KLHL4: variants seen among roughly 807,000 people sequenced by gnomAD.
KLHL4 encodes kelch like family member 4, also known as kelch-like protein 4.
Under a neutral mutation model 45.8 loss-of-function variants are expected in KLHL4, and 17 were observed. The observed-to-expected ratio is 0.37, with a 90% CI of 0.25 to 0.56. The LOEUF is 0.56. Ranked by LOEUF, KLHL4 falls within the 20% of genes least tolerant of loss-of-function variation. The pLI, the probability that KLHL4 is intolerant of heterozygous loss-of-function variation, is 0.79. For missense variants in KLHL4, 544 were observed against 544.9 expected, an observed-to-expected ratio of 1.00 and a Z score of 0.02; for synonymous variants, 224 against 189.9, an observed-to-expected ratio of 1.18 and a Z score of -1.47.
intron 1 of KLHL4, among the ~76,000 whole-genome samples, chrX:87,569,467 G>A (rs1332352629): frequency 9.0e-6 from 1 of 110,847 alleles, no homozygotes; most frequent in East Asian, 2.8e-4. Context: ...TTCACTCCTA[G>A]GTATATACTC....
At chrX:87,651,682 G>A (rs1167760519) in intron 9 of KLHL4, among the ~76,000 whole-genome samples, 3 of 112,455 alleles carry the variant, frequency 2.7e-5, no homozygotes, top group Non-Finnish European at 5.6e-5. Context: ...GGTTCCCATG[G>A]TCTTGGGCAG....
chrX:87,576,082 C>G (rs1921092940), intron 1 of KLHL4, among the ~76,000 whole-genome samples: 1 of 110,884 alleles, frequency 9.0e-6, no homozygotes, highest in African/African-American at 3.3e-5. Flanking sequence ...GGAGTCTGCC[C>G]CTCCAGTGAG....
At chrX:87,582,769 G>A (rs748565383) in intron 1 of KLHL4, among the ~76,000 whole-genome samples, 86 of 111,747 alleles carry the variant, frequency 7.7e-4, no homozygotes, top group African/African-American at 1.3e-3. Context: ...GCAGGCCTTC[G>A]TGGTGAGTGT....
At chrX:87,608,046 A>G in intron 1 of KLHL4, among the ~76,000 whole-genome samples, 1 of 111,749 alleles carries the variant, frequency 8.9e-6, no homozygotes, top group Non-Finnish European at 1.9e-5. Flanking sequence ...TATCTCAGTA[A>G]CCATCTTTAC....
At chrX:87,530,871 G>T (rs1373914120) in intron 1 of KLHL4, among the ~76,000 whole-genome samples, 3 of 109,603 alleles carry the variant, frequency 2.7e-5, no homozygotes, top group African/African-American at 6.7e-5. Context: ...GGTTGAACTA[G>T]TTTACAGTCC....
intron 1 of KLHL4, among the ~76,000 whole-genome samples, 187 bp downstream of exon 1, chrX:87,518,502 A>G (rs1418518848): frequency 6.2e-5 from 7 of 112,064 alleles, no homozygotes; most frequent in Non-Finnish European, 1.3e-4. Flanking sequence ...ATACGTCTTT[A>G]TAATTACCGG....
intron 9 of KLHL4, among the ~76,000 whole-genome samples, chrX:87,648,560 G>A (rs747883007): frequency 5.2e-4 from 58 of 110,663 alleles, no homozygotes; most frequent in Non-Finnish European, 8.7e-4. Context: ...GAGAAGAGCT[G>A]GAATATCATG....
At chrX:87,624,016 A>T (rs1922843904) in intron 5 of KLHL4, among the ~76,000 whole-genome samples, 1 of 112,553 alleles carries the variant, frequency 8.9e-6, no homozygotes, top group South Asian at 3.6e-4. Context: ...AGGCTGAAGA[A>T]TCTGTGTATT....
intron 9 of KLHL4, among the ~76,000 whole-genome samples, chrX:87,658,156 C>T (rs1456550883): frequency 8.9e-6 from 1 of 111,926 alleles, no homozygotes; most frequent in Non-Finnish European, 1.9e-5. Flanking sequence ...ACTTTCCTGG[C>T]TGGGACAATA....
intron 1 of KLHL4, among the ~76,000 whole-genome samples, chrX:87,595,444 C>T (rs1361279577): frequency 8.9e-6 from 1 of 111,787 alleles, no homozygotes; most frequent in Non-Finnish European, 1.9e-5. Context: ...ATCCTGTGTT[C>T]TTTATTGAAA....
In KLHL4 at chrX:87,669,503, G is replaced by C; in HGVS notation, c.*2969G>C. 4 of 947,374 alleles carry C rather than the reference G, an allele frequency of 4.2e-6. No homozygotes were observed. The highest frequency in any genetic ancestry group is 5.6e-6 in the Non-Finnish European group (4 of 716,041). 78.1% of individuals were successfully genotyped at this position (947,374 alleles called of 1,213,427 possible). A position where few individuals can be genotyped will look rare whatever the true frequency, so the allele number is the denominator to read the frequency against. ...CACTGAAAGACAGTTTCCTTCTGGA[G>C]TTCCAAATGCAATATAGAAAAAAAA... On this transcript the variant is annotated 3_prime_UTR_variant, in exon 11 of 11. Transcript: ENST00000373119.
In KLHL4 at chrX:87,669,274, G is replaced by A; in HGVS notation, c.*2740G>A. The A allele has an allele frequency of 1.7e-6, 2 of 1,196,951 alleles. No individual in the cohort carries two copies. The highest frequency in any genetic ancestry group is 1.7e-5 in the African/African-American group (1 of 57,224). ...ACGATTCCCTACTCTGCAACTCTCA[G>A]CATGCATCATGATGATTCTCTAACA... is the stretch of plus-strand genomic sequence containing the variant. On this transcript the variant is annotated 3_prime_UTR_variant, in exon 11 of 11. Transcript: ENST00000373119.
chrX:87,524,318 A>G (rs890710062), intron 1 of KLHL4, among the ~76,000 whole-genome samples: 1 of 112,334 alleles, frequency 8.9e-6, no homozygotes, highest in Non-Finnish European at 1.9e-5. Flanking sequence ...TTAGTTTATC[A>G]AATCTTTTTA....
chrX:87,657,301 C>A (rs1048147160), intron 9 of KLHL4, among the ~76,000 whole-genome samples: 1 of 112,238 alleles, frequency 8.9e-6, no homozygotes, highest in African/African-American at 3.2e-5. Flanking sequence ...GCTTTATCCT[C>A]AGCACCATGA....
At chrX:87,576,724 A>G (rs1008476689) in intron 1 of KLHL4, among the ~76,000 whole-genome samples, 2 of 111,503 alleles carry the variant, frequency 1.8e-5, no homozygotes, top group African/African-American at 6.5e-5. Context: ...TTATATAACT[A>G]TTTACTAGTT....
intron 9 of KLHL4, among the ~76,000 whole-genome samples, chrX:87,662,954 A>C (rs1924247380): frequency 9.3e-6 from 1 of 107,277 alleles, no homozygotes; most frequent in Admixed American, 1.0e-4. Context: ...AAAGCCACTT[A>C]AAGGTCCATC....
intron 1 of KLHL4, among the ~76,000 whole-genome samples, chrX:87,529,075 AC>A (rs1389191902): frequency 9.2e-6 from 1 of 108,913 alleles, no homozygotes; most frequent in Admixed American, 1.0e-4. Flanking sequence ...AAAAAAAAAA[AC>A]CATTGTCTTT....
At chrX:87,617,291 G>T (rs1170033285) in intron 3 of KLHL4, among the ~76,000 whole-genome samples, 1 of 107,927 alleles carries the variant, frequency 9.3e-6, no homozygotes, top group South Asian at 4.0e-4. Flanking sequence ...TTGAGACAGT[G>T]CCAGGGGTCA....
chrX:87,652,975 G>A (rs931123029), intron 9 of KLHL4, among the ~76,000 whole-genome samples: 5 of 112,116 alleles, frequency 4.5e-5, no homozygotes, highest in African/African-American at 1.6e-4. Context: ...TTCGTACATG[G>A]TGGTGGCAAG....
Sources: gnomAD v4.1 joint callset for allele counts (sites outside exome capture counted in the v4.1 genomes callset) on GRCh38, gnomAD v4.1.1 for gene constraint, MANE v1.5 for transcripts, NCBI Gene and HGNC (gene_info 2026-07-23, HGNC 2026-07-21) for gene names.